Variants in CARS2 observed in about 807,000 individuals in gnomAD.
CARS2 encodes the protein probable cysteine--tRNA ligase, mitochondrial.
A neutral mutation model predicts 68.8 loss-of-function variants in CARS2; 52 were observed. That is an observed-to-expected ratio of 0.76 (90% CI 0.61 to 0.95). The LOEUF (loss-of-function observed/expected upper bound fraction) is 0.95. Among genes scored for constraint, CARS2 ranks in the 40% least tolerant of loss-of-function variants. The probability of loss-of-function intolerance (pLI) is 0.00; values close to 1 mark genes in which losing one functional copy is unlikely to be tolerated. For synonymous variants in CARS2, 314 were observed against 303.6 expected (o/e 1.03, Z -0.36); for missense variants, 780 against 754.2 (o/e 1.03, Z -0.40).
At chr13:110,667,262 C>A (rs1176446851) in intron 8 of CARS2, 78 bp downstream of exon 8, 1 of 1,326,820 alleles carries the variant, frequency 7.5e-7, no homozygotes, top group African/African-American at 1.5e-5. Flanking sequence ...TATGTATTTC[C>A]AAATGTAGCT....
chr13:110,677,180 C>G, intron 6 of CARS2, 77 bp from the exon 7 acceptor site: 1 of 1,450,374 alleles, frequency 6.9e-7, no homozygotes, highest in Non-Finnish European at 9.2e-7. Flanking sequence ...TCACCCCCAC[C>G]ACAGAAACCC....
Position 110,665,742 on chromosome 13 carries a change from C to T in CARS2, c.919+1598G>A, listed in dbSNP as rs556609876. 150 of 985,366 alleles carry T rather than the reference C, an allele frequency of 1.5e-4. 3 individuals are homozygous for T. The South Asian group carries it at 5.2e-3, about 34-fold the overall frequency. The allele number at this position is 985,366 out of a possible 1,614,324, so 61.0% of individuals were successfully genotyped here. ...TGAACTGAGCCCTGAACGAAGTCAA[C>T]GAGGAAGTGACTTCGGGGCAATCAG... On this transcript the variant is annotated intron_variant, in intron 8 of 14. Coordinates refer to ENST00000257347, the MANE Select transcript of CARS2 (RefSeq NM_024537.4). This position sits in a 1 kb window ranked among gnomAD's most constrained non-coding sequence, Gnocchi z 4.3.
In CARS2 at chr13:110,674,677, G is replaced by A. The variant is rs548315361; in HGVS notation, c.785+2297C>T. On this transcript the variant is annotated intron_variant, in intron 7 of 14. Transcript: ENST00000257347. ...GGACTTCATGACTAAAACACCAAAA[G>A]CAATGGCAACAAAAGCCAGAATTGA... is the stretch of plus-strand genomic sequence containing the variant. Among the ~76,000 whole-genome samples the A allele has an allele frequency of 7.9e-5, 12 of 152,270 alleles. No homozygotes were observed. The East Asian group carries it at 2.3e-3, about 29-fold the overall frequency.
intron 13 of CARS2, chr13:110,643,812 A>G (rs1303213774): frequency 4.8e-6 from 1 of 206,822 alleles, no homozygotes; most frequent in Non-Finnish European, 1.0e-5. Context: ...TGAGCCTGAT[A>G]AGGAAGAGGA....
At chr13:110,664,778 G>C in intron 8 of CARS2, 1 of 404,566 alleles carries the variant, frequency 2.5e-6, no homozygotes, top group Non-Finnish European at 3.3e-6. Context: ...TGAGGTCACA[G>C]GGGCAGAGCC....
intron 5 of CARS2, among the ~76,000 whole-genome samples, chr13:110,686,190 A>C (rs1179577597): frequency 6.6e-6 from 1 of 151,556 alleles, no homozygotes; most frequent in Non-Finnish European, 1.5e-5. Context: ...TTTTATGCAG[A>C]GATGCATGTT....
intron 11 of CARS2, chr13:110,646,358 G>T (rs1042178191): frequency 1.6e-4 from 52 of 321,930 alleles, no homozygotes; most frequent in Non-Finnish European, 1.5e-4. Context: ...TTTCATGATG[G>T]TTTTAAAAAT....
intron 3 of CARS2, among the ~76,000 whole-genome samples, chr13:110,689,601 C>T (rs2063399329): frequency 6.6e-6 from 1 of 152,192 alleles, no homozygotes; most frequent in Non-Finnish European, 1.5e-5. Flanking sequence ...TACTTTACAG[C>T]ATGGAGATAT....
intron 1 of CARS2, chr13:110,712,887 C>A (rs775112565): frequency 2.8e-6 from 4 of 1,424,100 alleles, no homozygotes; most frequent in South Asian, 2.4e-5. Context: ...AACTGAGTAC[C>A]GGGAGACGAC....
chr13:110,701,432 A>T lies in CARS2; in HGVS notation c.393+6T>A. On this transcript the variant is annotated splice_donor_region_variant and intron_variant, in intron 3 of 14. Coordinates refer to ENST00000257347, the MANE Select transcript of CARS2 (RefSeq NM_024537.4). ...TTATCAATAGATGTAACTCTTCTCC[A>T]CTTACCTCATTGGCTCTTTTGATGA... 8.3e-7 allele frequency: 1 copy of T among 1,210,816 alleles called. No homozygotes were observed. Among genetic ancestry groups the T allele is most frequent in the Non-Finnish European group, 1.2e-6 (1 of 811,890 alleles). 75.0% of individuals were successfully genotyped at this position (1,210,816 alleles called of 1,614,324 possible).
Position 110,668,410 on chromosome 13 carries a change from C to T in CARS2, c.786-937G>A, listed in dbSNP as rs1029217218. Among the ~76,000 whole-genome samples the T allele has an allele frequency of 6.6e-6, 1 of 151,998 alleles. No homozygotes were observed. Among genetic ancestry groups the T allele is most frequent in the Non-Finnish European group, 1.5e-5 (1 of 67,992 alleles). Reference sequence around the variant, plus strand: ...ACAAAAAATCAGCCGGGCGTGGTGGCGGGTGCCTGTAGTCCCAGCTGCTTG... The same window carrying T: ...ACAAAAAATCAGCCGGGCGTGGTGGTGGGTGCCTGTAGTCCCAGCTGCTTG... On this transcript the variant is annotated intron_variant, in intron 7 of 14. Coordinates refer to ENST00000257347, the MANE Select transcript of CARS2 (RefSeq NM_024537.4). The surrounding 1 kb of genome is among the most constrained non-coding windows in gnomAD (Gnocchi z 4.1).
intron 9 of CARS2, 58 bp from the exon 10 acceptor site, chr13:110,651,158 A>G: frequency 8.5e-7 from 1 of 1,178,402 alleles, no homozygotes; most frequent in Non-Finnish European, 1.2e-6. Flanking sequence ...CGCACTGTTC[A>G]GAGAATATGT....
chr13:110,642,428 T>C lies in CARS2; in HGVS notation c.1510A>G (p.Met504Val), dbSNP rs762583126. 3 of 1,605,286 alleles carry C rather than the reference T, an allele frequency of 1.9e-6. No individual in the cohort carries two copies. Among genetic ancestry groups the C allele is most frequent in the Admixed American group, 1.7e-5 (1 of 59,232 alleles). The change falls in exon 14 of 15, where the codon ATG becomes GTG. Residue 504 changes from methionine (M) to valine (V), a missense_variant. Coordinates refer to ENST00000257347, the MANE Select transcript of CARS2 (RefSeq NM_024537.4). The part of the protein sequence containing the change: ...RQKVRQFALA[M>V]PEATGDARRQ... The stretch of plus-strand genomic sequence containing the variant: ...CGGGCGTCCCCCGTGGCCTCGGGCA[T>C]GGCCAGCGCAAACTGCCGGACCTTC...
At chr13:110,677,141 CA>C in intron 6 of CARS2, 38 bp from the exon 7 acceptor site, 1 of 1,566,068 alleles carries the variant, frequency 6.4e-7, no homozygotes, top group Non-Finnish European at 8.7e-7. Context: ...GGAAGAAGCT[CA>C]GTCACCCCAC....
chr13:110,711,433 CG>C (rs1483996293), upstream of CARS2, among the ~76,000 whole-genome samples: 3 of 152,178 alleles, frequency 2.0e-5, no homozygotes, highest in African/African-American at 7.2e-5. Flanking sequence ...AAGCTGGTCC[CG>C]AACTCCTGAT....
In CARS2 at chr13:110,676,198, A is replaced by G. The variant is rs2062944482; in HGVS notation, c.785+776T>C. Among the ~76,000 whole-genome samples, 1 of 152,180 alleles carries G rather than the reference A, an allele frequency of 6.6e-6. No individual in the cohort carries two copies. Among genetic ancestry groups the G allele is most frequent in the East Asian group, 1.9e-4 (1 of 5,178 alleles). ...CATGAAACTAACTGTGGCGAGCCCC[A>G]TGGGCAGCTGTGCAGCACGGGGCAC... On this transcript the variant is annotated intron_variant, in intron 7 of 14. Coordinates refer to ENST00000257347, the MANE Select transcript of CARS2 (RefSeq NM_024537.4). The surrounding 1 kb of genome is among the most constrained non-coding windows in gnomAD (Gnocchi z 4.0).
chr13:110,693,467 C>G (rs2063533911), intron 3 of CARS2, among the ~76,000 whole-genome samples: 1 of 152,044 alleles, frequency 6.6e-6, no homozygotes, highest in South Asian at 2.1e-4. Flanking sequence ...TCACGCCATT[C>G]TCCTGCCTCA....
chr13:110,706,103 C>T lies in CARS2; in HGVS notation c.-10G>A, dbSNP rs962189602. The T allele has an allele frequency of 3.8e-6, 5 of 1,310,072 alleles. No individual in the cohort carries two copies. The African/African-American group carries it at 7.7e-5, about 20-fold the overall frequency. 81.2% of individuals were successfully genotyped at this position (1,310,072 alleles called of 1,614,324 possible). On this transcript the variant is annotated 5_prime_UTR_variant, in exon 1 of 15. Coordinates refer to ENST00000257347, the MANE Select transcript of CARS2 (RefSeq NM_024537.4). Reference sequence around the variant, plus strand: ...GCGTAGTCCTCAACATGTCAGCGGCCAGCGCCTACGACTGGGCGGAGACGG... The same window carrying T: ...GCGTAGTCCTCAACATGTCAGCGGCTAGCGCCTACGACTGGGCGGAGACGG...
rs2139839611 is a variant in CARS2, at chr13:110,683,064, T to A, written c.642A>T (p.Pro214=). The A allele has an allele frequency of 6.2e-7, 1 of 1,601,512 alleles. No individual in the cohort carries two copies. Among genetic ancestry groups the A allele is most frequent in the Non-Finnish European group, 8.5e-7 (1 of 1,175,838 alleles). The change falls in exon 6 of 15, where the codon CCA becomes CCT. Residue 214 remains proline (P), a synonymous_variant. Coordinates refer to ENST00000257347, the MANE Select transcript of CARS2 (RefSeq NM_024537.4). ...YGKLVGVVPG[P]VGEPADSDKR... ...CGGCCAACCCACCTGGCTCTCCGAC[T>A]GGACCAGGGACCACGCCGACCAATT...
Sources: allele counts gnomAD v4.1 joint callset (sites outside exome capture counted in the v4.1 genomes callset), GRCh38; gene constraint gnomAD v4.1.1; non-coding constraint Gnocchi (gnomAD v3.1); transcripts MANE v1.5; gene names NCBI Gene and HGNC (gene_info 2026-07-23, HGNC 2026-07-21).